The following KIAA0319L variants were observed in gnomAD, a reference collection of about 807,000 sequenced individuals.
KIAA0319L encodes the protein KIAA0319 like.
In KIAA0319L, 55 loss-of-function variants were observed where a neutral mutation model predicts 120.1. The observed-to-expected ratio is 0.46, with a 90% CI of 0.37 to 0.57. The LOEUF (loss-of-function observed/expected upper bound fraction) is 0.57, where lower values mean the gene tolerates loss of function less well. KIAA0319L is among the 20% of genes least tolerant of loss of function. The pLI is 0.00. For missense variants in KIAA0319L, 1,049 were observed against 1,255.3 expected, an observed-to-expected ratio of 0.84 and a Z score of 2.48; for synonymous variants, 398 against 471.9, an observed-to-expected ratio of 0.84 and a Z score of 2.03.
chr1:35,440,895 A>C, intron 20 of KIAA0319L, 152 bp downstream of exon 20: 1 of 729,394 alleles, frequency 1.4e-6, no homozygotes, highest in South Asian at 1.6e-5. Context: ...GCTCAGGGCA[A>C]ATCTGACCCT....
At chr1:35,465,922 CCTT>C (rs962878459) in intron 7 of KIAA0319L, among the ~76,000 whole-genome samples, 70 of 152,300 alleles carry the variant, frequency 4.6e-4, no homozygotes, top group Middle Eastern at 6.8e-3. Flanking sequence ...ACTTGCTCCT[CCTT>C]GTCTTCCACC....
At chr1:35,476,752 T>C (rs1223823448) in intron 4 of KIAA0319L, among the ~76,000 whole-genome samples, 2 of 152,196 alleles carry the variant, frequency 1.3e-5, no homozygotes, top group Non-Finnish European at 2.9e-5. Flanking sequence ...TGCCTCATGA[T>C]TGAACCCCTA....
chr1:35,526,410 T>TACAC (rs1239616275), intron 2 of KIAA0319L, among the ~76,000 whole-genome samples: 2 of 137,520 alleles, frequency 1.5e-5, no homozygotes, highest in East Asian at 4.4e-4. Context: ...TATATATATA[T>TACAC]ACACACATAC....
intron 2 of KIAA0319L, among the ~76,000 whole-genome samples, chr1:35,548,725 C>T (rs778424967): frequency 5.9e-5 from 9 of 152,076 alleles, no homozygotes; most frequent in Non-Finnish European, 1.0e-4. Flanking sequence ...AGCTTCTTAG[C>T]ATAGCATACA....
chr1:35,507,740 T>A (rs1426542766), intron 2 of KIAA0319L, among the ~76,000 whole-genome samples: 1 of 152,202 alleles, frequency 6.6e-6, no homozygotes, highest in East Asian at 1.9e-4. Flanking sequence ...TATCATAGTA[T>A]CAGCCAGAGT....
At chr1:35,443,185 C>A in intron 17 of KIAA0319L, 157 bp from the exon 18 acceptor site, 2 of 751,568 alleles carry the variant, frequency 2.7e-6, no homozygotes, top group Non-Finnish European at 4.3e-6. Flanking sequence ...CCTTTCTCAT[C>A]TCGACTGGAC....
chr1:35,554,641 G>C, intron 1 of KIAA0319L, 122 bp from the exon 2 acceptor site: 1 of 591,518 alleles, frequency 1.7e-6, no homozygotes, highest in East Asian at 3.1e-5. Context: ...TGTCTTTAAC[G>C]GCTCAACCCT....
At chr1:35,482,419 C>T (rs147292751) in intron 3 of KIAA0319L, among the ~76,000 whole-genome samples, 1 of 150,566 alleles carries the variant, frequency 6.6e-6, no homozygotes, top group African/African-American at 2.4e-5. Context: ...TATAACCACT[C>T]ATCTACAGGT....
chr1:35,465,306 C>T (rs1339105433), intron 7 of KIAA0319L, among the ~76,000 whole-genome samples: 1 of 152,220 alleles, frequency 6.6e-6, no homozygotes, highest in Non-Finnish European at 1.5e-5. Context: ...AGCAACACAC[C>T]TCTTGCATCA....
At position 35,434,079 on chromosome 1, in the gene KIAA0319L, A is replaced by C. The variant is rs866780321; in HGVS notation, c.*815T>G. 1.5e-5 allele frequency: 2 copies of C among 133,316 alleles called. No homozygotes were observed. The highest frequency in any genetic ancestry group is 2.9e-5 in the African/African-American group (1 of 34,212). 8.3% of individuals were successfully genotyped at this position (133,316 alleles called of 1,614,324 possible). ...CAGTGTTAAGGGGGGGCCAGATATC[A>C]TTTCTTTTTTTTTTTTTTTTTTTTT... On this transcript the variant is annotated 3_prime_UTR_variant, in exon 21 of 21. Coordinates refer to ENST00000325722, the MANE Select transcript of KIAA0319L (RefSeq NM_024874.5).
At chr1:35,512,257 G>A (rs184398831) in intron 2 of KIAA0319L, among the ~76,000 whole-genome samples, 4 of 147,494 alleles carry the variant, frequency 2.7e-5, no homozygotes, top group African/African-American at 1.0e-4. Flanking sequence ...AACAGAGCAA[G>A]ACTCTGTCTC....
At chr1:35,539,613 G>C (rs748326942) in intron 2 of KIAA0319L, among the ~76,000 whole-genome samples, 22 of 152,208 alleles carry the variant, frequency 1.4e-4, no homozygotes, top group Admixed American at 2.6e-4. Flanking sequence ...AGATGCCACA[G>C]ACTGACCCAG....
chr1:35,513,553 G>T (rs1645562154), intron 2 of KIAA0319L, among the ~76,000 whole-genome samples: 1 of 151,858 alleles, frequency 6.6e-6, no homozygotes, highest in Non-Finnish European at 1.5e-5. Context: ...GGAGATACTG[G>T]CTGCATTAAG....
Position 35,506,506 on chromosome 1 carries a change from C to T in KIAA0319L, c.666+106G>A. 1 of 1,112,834 alleles carries T rather than the reference C, an allele frequency of 9.0e-7. No individual in the cohort carries two copies. The highest frequency in any genetic ancestry group is 1.6e-5 in the African/African-American group (1 of 64,182). 68.9% of individuals were successfully genotyped at this position (1,112,834 alleles called of 1,614,324 possible). ...ACCAAGCAGCTTTATATATACACTC[C>T]TCAGCCTATGAGCACTGCCCGCAAG... On this transcript the variant is annotated intron_variant, in intron 3 of 20. Transcript: ENST00000325722. This position sits in a 1 kb window ranked among gnomAD's most constrained non-coding sequence, Gnocchi z 4.0.
At chr1:35,538,590 C>CAAAAAAA (rs757522421) in intron 2 of KIAA0319L, among the ~76,000 whole-genome samples, 1 of 31,944 alleles carries the variant, frequency 3.1e-5, no homozygotes, top group African/African-American at 8.6e-5. Context: ...AACTCTGTCT[C>CAAAAAAA]AAAAAAAAAA....
intron 16 of KIAA0319L, among the ~76,000 whole-genome samples, chr1:35,446,037 C>A (rs1558280163): frequency 2.0e-5 from 3 of 152,190 alleles, no homozygotes; most frequent in African/African-American, 7.2e-5. Flanking sequence ...TATCCCTAAT[C>A]GTGCTATCTC....
chr1:35,536,503 C>A (rs1431675930), intron 2 of KIAA0319L, among the ~76,000 whole-genome samples: 1 of 152,226 alleles, frequency 6.6e-6, no homozygotes, highest in Non-Finnish European at 1.5e-5. Flanking sequence ...ACATCTAGAT[C>A]CATTCACCTT....
chr1:35,450,325 C>A (rs767746155), intron 14 of KIAA0319L, 33 bp downstream of exon 14: 2 of 1,600,532 alleles, frequency 1.2e-6, no homozygotes, highest in East Asian at 4.5e-5. Context: ...CCTCCCCACT[C>A]CTGTGTAGCT....
intron 2 of KIAA0319L, among the ~76,000 whole-genome samples, chr1:35,548,203 T>C (rs1339964613): frequency 6.6e-6 from 1 of 152,046 alleles, no homozygotes; most frequent in South Asian, 2.1e-4. Flanking sequence ...CCTCTACTTG[T>C]TTGTATTGAA....
Sources: gnomAD v4.1 joint callset for allele counts (sites outside exome capture counted in the v4.1 genomes callset) on GRCh38, gnomAD v4.1.1 for gene constraint, Gnocchi (gnomAD v3.1) non-coding constraint, MANE v1.5 for transcripts, NCBI Gene and HGNC (gene_info 2026-07-23, HGNC 2026-07-21) for gene names.